CDK8: variants seen among roughly 807,000 people sequenced by gnomAD.
CDK8 encodes cyclin dependent kinase 8.
CDK8 carries 29 observed loss-of-function variants against 71.5 expected under a neutral mutation model. That is an observed-to-expected ratio of 0.41 (90% CI 0.30 to 0.55). The LOEUF (loss-of-function observed/expected upper bound fraction) is 0.55. Among genes scored for constraint, CDK8 ranks in the 20% least tolerant of loss-of-function variants. The probability of loss-of-function intolerance (pLI) is 0.37; values close to 1 mark genes in which losing one functional copy is unlikely to be tolerated. For synonymous variants in CDK8, 161 were observed against 192.1 expected (o/e 0.84, Z 1.34); for missense variants, 288 against 572.6 (o/e 0.50, Z 5.07).
intron 1 of CDK8, among the ~76,000 whole-genome samples, chr13:26,303,073 C>T (rs537314096): frequency 2.0e-4 from 31 of 152,094 alleles, no homozygotes; most frequent in African/African-American, 7.2e-4. Flanking sequence ...TTTATGTATG[C>T]AGGCATATTG....
chr13:26,349,137 TAGGA>T lies in CDK8; in HGVS notation c.274_277del (p.Lys92CysfsTer15). ...AAAAGGTGTTTCTGTCTCATGCTGA[TAGGA>T]AGGTGTGGCTTCTGTTTGACTATGC... On this transcript the variant is annotated frameshift_variant, in exon 3 of 13. Coordinates refer to ENST00000381527, the MANE Select transcript of CDK8 (RefSeq NM_001260.3). LOFTEE classifies it high-confidence loss of function. 6.2e-7 allele frequency: 1 copy of T among 1,613,406 alleles called. No homozygotes were observed. Among genetic ancestry groups the T allele is most frequent in the Non-Finnish European group, 8.5e-7 (1 of 1,179,490 alleles).
intron 5 of CDK8, among the ~76,000 whole-genome samples, chr13:26,384,791 A>T (rs1875396825): frequency 6.6e-6 from 1 of 152,216 alleles, no homozygotes; most frequent in Non-Finnish European, 1.5e-5. Context: ...TCAGCTTCTG[A>T]TTAATTATAC....
At chr13:26,385,404 C>A in intron 6 of CDK8, 62 bp downstream of exon 6, 1 of 1,347,148 alleles carries the variant, frequency 7.4e-7, no homozygotes, top group Middle Eastern at 2.4e-4. Flanking sequence ...ACACACATTC[C>A]TATATATTTT....
In CDK8 at chr13:26,289,051, G is replaced by GTT. The variant is rs5802371; in HGVS notation, c.128+34305_128+34306dup. On this transcript the variant is annotated intron_variant, in intron 1 of 12. Coordinates refer to ENST00000381527, the MANE Select transcript of CDK8 (RefSeq NM_001260.3). ...GCTGCATCCAGACTAAGCTTCTGTA[G>GTT]TTTTTTTTTTTTTTTTTTTTTTTTG... Among the ~76,000 whole-genome samples the GTT allele has an allele frequency of 5.2e-3, 290 of 56,228 alleles. 3 individuals carry two copies. The highest frequency in any genetic ancestry group is 0.013 in the African/African-American group (220 of 16,756). 36.9% of individuals were successfully genotyped at this position (56,228 alleles called of 152,430 possible).
chr13:26,264,000 GC>G (rs1349284348), intron 1 of CDK8, among the ~76,000 whole-genome samples: 1 of 151,764 alleles, frequency 6.6e-6, no homozygotes, highest in Non-Finnish European at 1.5e-5. Flanking sequence ...GCCCACCTGG[GC>G]CCCCCAAAGT....
intron 1 of CDK8, among the ~76,000 whole-genome samples, chr13:26,266,269 G>T (rs2137862154): frequency 6.6e-6 from 1 of 152,346 alleles, no homozygotes; most frequent in East Asian, 1.9e-4. Context: ...AGTCTGGCTA[G>T]AGTTAGACTA....
At chr13:26,276,307 G>T (rs576002707) in intron 1 of CDK8, among the ~76,000 whole-genome samples, 1 of 152,248 alleles carries the variant, frequency 6.6e-6, no homozygotes, top group Non-Finnish European at 1.5e-5. Context: ...AATATTATTA[G>T]ATTTGGGATT....
chr13:26,346,859 G>T (rs1873479993), intron 2 of CDK8, among the ~76,000 whole-genome samples: 1 of 152,164 alleles, frequency 6.6e-6, no homozygotes, highest in Admixed American at 6.5e-5. Flanking sequence ...AGTCTTTGCT[G>T]AAGTTTACTT....
chr13:26,330,360 C>T (rs1427315153), intron 1 of CDK8, among the ~76,000 whole-genome samples: 1 of 152,154 alleles, frequency 6.6e-6, no homozygotes, highest in African/African-American at 2.4e-5. Flanking sequence ...TGTGCACCAC[C>T]ATGCCTGACT....
chr13:26,272,687 A>G (rs1872385841), intron 1 of CDK8, among the ~76,000 whole-genome samples: 1 of 152,236 alleles, frequency 6.6e-6, no homozygotes, highest in South Asian at 2.1e-4. Context: ...ATCAAGTATT[A>G]TGTAGTGTAC....
intron 4 of CDK8, among the ~76,000 whole-genome samples, chr13:26,369,895 A>G (rs1011170775): frequency 6.6e-6 from 1 of 151,930 alleles, no homozygotes; most frequent in Non-Finnish European, 1.5e-5. Context: ...TTTCTTTAGT[A>G]ATTGTTATGC....
intron 2 of CDK8, among the ~76,000 whole-genome samples, chr13:26,337,882 A>G (rs1037382024): frequency 1.3e-5 from 2 of 152,102 alleles, no homozygotes; most frequent in African/African-American, 4.8e-5. Flanking sequence ...TGTTTTCCCA[A>G]TACCTGTCAC....
chr13:26,279,967 T>TTG (rs148491122), intron 1 of CDK8, among the ~76,000 whole-genome samples: 10,958 of 149,494 alleles, frequency 0.073, 468 homozygotes, highest in Non-Finnish European at 0.11. Flanking sequence ...CAGAAGAAAA[T>TTG]TGTGTGTGTG....
At chr13:26,339,754 A>ATATAT (rs66521623) in intron 2 of CDK8, among the ~76,000 whole-genome samples, 6,926 of 129,176 alleles carry the variant, frequency 0.054, 251 homozygotes, top group East Asian at 0.12. Flanking sequence ...ACTTAAAAAA[A>ATATAT]AAATATATAT....
intron 3 of CDK8, among the ~76,000 whole-genome samples, chr13:26,351,266 A>C (rs1873667747): frequency 6.6e-6 from 1 of 152,162 alleles, no homozygotes; most frequent in Non-Finnish European, 1.5e-5. Flanking sequence ...TAGCATGGCT[A>C]TGCTTTTTAT....
At chr13:26,259,401 A>G (rs1057012173) in intron 1 of CDK8, among the ~76,000 whole-genome samples, 3 of 152,148 alleles carry the variant, frequency 2.0e-5, no homozygotes, top group Non-Finnish European at 4.4e-5. Flanking sequence ...TTTACATAGC[A>G]TTTACATTTT....
chr13:26,345,122 A>G (rs920864350), intron 2 of CDK8, among the ~76,000 whole-genome samples: 1 of 152,146 alleles, frequency 6.6e-6, no homozygotes, highest in Non-Finnish European at 1.5e-5. Context: ...TTTCAACTCC[A>G]TTATAATCTT....
chr13:26,298,050 C>T (rs1342975752), intron 1 of CDK8, among the ~76,000 whole-genome samples: 1 of 152,016 alleles, frequency 6.6e-6, no homozygotes, highest in Non-Finnish European at 1.5e-5. Context: ...ATTAAAACTG[C>T]GATTTTATAT....
At chr13:26,371,298 T>G (rs944938710) in intron 4 of CDK8, among the ~76,000 whole-genome samples, 1 of 152,200 alleles carries the variant, frequency 6.6e-6, no homozygotes, top group Non-Finnish European at 1.5e-5. Context: ...AAATGGAGGC[T>G]AAGTTTACAT....
Sources: allele counts gnomAD v4.1 joint callset (sites outside exome capture counted in the v4.1 genomes callset), GRCh38; gene constraint gnomAD v4.1.1; transcripts MANE v1.5; gene names NCBI Gene and HGNC (gene_info 2026-07-23, HGNC 2026-07-21).